Variants in MIR2052HG observed in about 807,000 individuals in gnomAD.
The protein encoded by MIR2052HG is MIR2052 host gene.
chr8:74,744,882 G>A (rs1158885016), intron 4 of MIR2052HG, among the ~76,000 whole-genome samples: 1 of 152,112 alleles, frequency 6.6e-6, no homozygotes, highest in Non-Finnish European at 1.5e-5. Context: ...GAGAACTGTG[G>A]GTAACTACTA....
At chr8:74,622,613 G>A (rs1339550829) in intron 2 of MIR2052HG, among the ~76,000 whole-genome samples, 2 of 149,246 alleles carry the variant, frequency 1.3e-5, no homozygotes, top group Admixed American at 6.7e-5. Context: ...CAAAAAATTA[G>A]AAAAAAAATT....
At chr8:74,661,568 A>C (rs967661884) in intron 2 of MIR2052HG, among the ~76,000 whole-genome samples, 2 of 152,190 alleles carry the variant, frequency 1.3e-5, no homozygotes, top group African/African-American at 4.8e-5. Context: ...ATGGCTGTAC[A>C]AGAGGTTCAT....
chr8:74,753,527 C>T (rs527498542), intron 5 of MIR2052HG, among the ~76,000 whole-genome samples: 232 of 152,254 alleles, frequency 1.5e-3, no homozygotes, highest in Non-Finnish European at 2.8e-3. Context: ...TGTTACATTC[C>T]TTCGCATCGT....
intron 2 of MIR2052HG, among the ~76,000 whole-genome samples, chr8:74,631,570 T>G (rs1438587671): frequency 1.3e-5 from 2 of 152,200 alleles, no homozygotes. Flanking sequence ...TTTAAGGTAC[T>G]TCAACAGCTG....
At chr8:74,655,468 G>T (rs1034860792) in intron 2 of MIR2052HG, among the ~76,000 whole-genome samples, 1 of 152,188 alleles carries the variant, frequency 6.6e-6, no homozygotes, top group African/African-American at 2.4e-5. Context: ...TGTCCCACCT[G>T]CTCCAGCCAT....
At chr8:74,652,888 G>T (rs1019335105) in intron 2 of MIR2052HG, among the ~76,000 whole-genome samples, 14 of 152,242 alleles carry the variant, frequency 9.2e-5, no homozygotes, top group African/African-American at 2.9e-4. Context: ...AGAACTGTTA[G>T]CAGAATTTAA....
At chr8:74,635,394 G>A (rs78835136) in intron 2 of MIR2052HG, among the ~76,000 whole-genome samples, 6,462 of 152,158 alleles carry the variant, frequency 0.042, 224 homozygotes, top group Non-Finnish European at 0.053. Context: ...AGGCCCAATG[G>A]AGATGTCATT....
chr8:74,694,292 C>T (rs2081496), intron 2 of MIR2052HG, among the ~76,000 whole-genome samples: 1,581 of 152,302 alleles, frequency 0.01, 18 homozygotes, highest in African/African-American at 0.036. Flanking sequence ...CAGGAAGCCC[C>T]ATTCCTAGGG....
intron 4 of MIR2052HG, among the ~76,000 whole-genome samples, chr8:74,713,540 A>ACTTCTCCC (rs1317654155): frequency 2.5e-4 from 38 of 150,896 alleles, no homozygotes; most frequent in African/African-American, 9.0e-4. Flanking sequence ...GTGATTCCTT[A>ACTTCTCCC]ATTTTTTACT....
chr8:74,708,165 A>G (rs187867922), intron 4 of MIR2052HG, among the ~76,000 whole-genome samples: 2,337 of 152,286 alleles, frequency 0.015, 21 homozygotes, highest in Non-Finnish European at 0.025. Flanking sequence ...GTGATCTGGC[A>G]TCTTGAGTTG....
chr8:74,737,001 C>T (rs1809772804), intron 4 of MIR2052HG, among the ~76,000 whole-genome samples: 2 of 152,304 alleles, frequency 1.3e-5, no homozygotes, highest in South Asian at 4.1e-4. Context: ...TGACTTTCCA[C>T]GCCTAAGTAA....
intron 4 of MIR2052HG, among the ~76,000 whole-genome samples, chr8:74,709,265 A>G (rs1454036944): frequency 6.6e-6 from 1 of 152,124 alleles, no homozygotes; most frequent in Non-Finnish European, 1.5e-5. Flanking sequence ...GCATAAGTTA[A>G]TGTATGGAGG....
At chr8:74,638,748 T>C (rs1349429742) in intron 2 of MIR2052HG, among the ~76,000 whole-genome samples, 3 of 152,158 alleles carry the variant, frequency 2.0e-5, no homozygotes, top group Non-Finnish European at 4.4e-5. Context: ...TCTCTTGGAA[T>C]ACCTAAATAA....
chr8:74,633,542 T>G (rs1808545531), intron 2 of MIR2052HG, among the ~76,000 whole-genome samples: 1 of 152,226 alleles, frequency 6.6e-6, no homozygotes, highest in Admixed American at 6.5e-5. Flanking sequence ...GAATGCCATC[T>G]TACCTTGCTA....
At chr8:74,603,563 T>C in intron 1 of MIR2052HG, 3 of 1,544,248 alleles carry the variant, frequency 1.9e-6, no homozygotes, top group South Asian at 2.2e-5. Context: ...CTGAATCCAG[T>C]GTTGCCATGC....
intron 4 of MIR2052HG, among the ~76,000 whole-genome samples, chr8:74,722,585 A>G (rs1586923640): frequency 6.6e-6 from 1 of 152,114 alleles, no homozygotes; most frequent in South Asian, 2.1e-4. Flanking sequence ...GGTTATTTTT[A>G]TATCAACAGG....
chr8:74,708,247 C>G (rs1809430776), intron 4 of MIR2052HG, among the ~76,000 whole-genome samples: 1 of 152,078 alleles, frequency 6.6e-6, no homozygotes, highest in African/African-American at 2.4e-5. Context: ...ATGGGAAAAC[C>G]TTTGCAAAAT....
intron 2 of MIR2052HG, among the ~76,000 whole-genome samples, chr8:74,636,292 A>G (rs1199905188): frequency 3.9e-5 from 6 of 152,106 alleles, no homozygotes; most frequent in Non-Finnish European, 7.4e-5. Context: ...TAATGTATTT[A>G]TCACTGTGTG....
At chr8:74,726,314 G>T (rs1319169834) in intron 4 of MIR2052HG, among the ~76,000 whole-genome samples, 2 of 152,138 alleles carry the variant, frequency 1.3e-5, no homozygotes, top group African/African-American at 4.8e-5. Flanking sequence ...TCAAAAGCTT[G>T]CTCACTATTG....
Sources: gnomAD v4.1 joint callset for allele counts (sites outside exome capture counted in the v4.1 genomes callset) on GRCh38, gnomAD v4.1.1 for gene constraint, MANE v1.5 for transcripts, NCBI Gene and HGNC (gene_info 2026-07-23, HGNC 2026-07-21) for gene names.